Variants in PCDHA1 observed in about 807,000 individuals in gnomAD.
The protein encoded by PCDHA1 is protocadherin alpha 1.
In PCDHA1, 42 loss-of-function variants were observed where a neutral mutation model predicts 61.3. That is an observed-to-expected ratio of 0.69 (90% CI 0.54 to 0.89). PCDHA1 has a LOEUF of 0.89. Ranked by LOEUF, PCDHA1 falls within the 40% of genes least tolerant of loss-of-function variation. The pLI, the probability that PCDHA1 is intolerant of heterozygous loss-of-function variation, is 0.00. For synonymous variants in PCDHA1, 610 were observed against 553.8 expected, an observed-to-expected ratio of 1.10 and a Z score of -1.43; for missense variants, 1,256 against 1,235.3, an observed-to-expected ratio of 1.02 and a Z score of -0.25.
At chr5:140,987,050 C>G (rs781947211) in intron 3 of PCDHA1, among the ~76,000 whole-genome samples, 34 of 151,840 alleles carry the variant, frequency 2.2e-4, no homozygotes, top group Non-Finnish European at 2.5e-4. Context: ...CCCATCTCTA[C>G]TAAAGTTACA....
intron 1 of PCDHA1, among the ~76,000 whole-genome samples, chr5:140,838,075 ATAGTGTGTGTGT>A (rs1392208969): frequency 0.058 from 7,390 of 128,196 alleles, 326 homozygotes; most frequent in Middle Eastern, 0.092. Flanking sequence ...TTATATATAT[ATAGTGTGTGTGT>A]GTGTGTGTGT....
chr5:140,910,019 T>C (rs2074838579), intron 1 of PCDHA1, among the ~76,000 whole-genome samples: 1 of 152,222 alleles, frequency 6.6e-6, no homozygotes, highest in Non-Finnish European at 1.5e-5. Flanking sequence ...CATCCTTGTA[T>C]CCCTGGGATA....
intron 1 of PCDHA1, chr5:140,877,750 T>C (rs782654875): frequency 6.2e-7 from 1 of 1,614,146 alleles, no homozygotes; most frequent in Non-Finnish European, 8.5e-7. Flanking sequence ...GAGGGTGTGC[T>C]CTGCAGAGAG....
intron 1 of PCDHA1, among the ~76,000 whole-genome samples, chr5:140,874,298 G>T (rs887601408): frequency 1.3e-5 from 2 of 152,114 alleles, no homozygotes; most frequent in African/African-American, 2.4e-5. Context: ...ATGTGTACTT[G>T]TTCACAATGA....
At chr5:140,824,706 C>T (rs1214365803) in intron 1 of PCDHA1, 3 of 149,174 alleles carry the variant, frequency 2.0e-5, no homozygotes, top group Admixed American at 6.7e-5. Flanking sequence ...GCCATGCTCC[C>T]GTCTCAGCCT....
chr5:140,942,660 A>G (rs145204660), intron 1 of PCDHA1, among the ~76,000 whole-genome samples: 2 of 152,306 alleles, frequency 1.3e-5, no homozygotes, highest in East Asian at 1.9e-4. Context: ...CAGAAAAGCA[A>G]TAAGCACAAA....
chr5:140,882,577 C>T (rs370671644), intron 1 of PCDHA1: 45 of 1,614,120 alleles, frequency 2.8e-5, no homozygotes, highest in East Asian at 1.3e-4. Flanking sequence ...CGGAGTGCAG[C>T]ATCCACCTGG....
chr5:140,805,213 T>C, intron 1 of PCDHA1: 1 of 1,424,420 alleles, frequency 7.0e-7, no homozygotes, highest in Non-Finnish European at 9.2e-7. Context: ...AAATAAACAT[T>C]GTTTTCTATT....
intron 1 of PCDHA1, among the ~76,000 whole-genome samples, chr5:140,892,982 A>G (rs1430280813): frequency 2.0e-5 from 3 of 152,238 alleles, no homozygotes; most frequent in Non-Finnish European, 4.4e-5. Context: ...TAGCTGCCGT[A>G]TAAGTGAGAA....
chr5:140,835,835 G>T (rs2150246191), intron 1 of PCDHA1: 3 of 1,612,346 alleles, frequency 1.9e-6, no homozygotes, highest in African/African-American at 1.3e-5. Context: ...ACGCGGACGC[G>T]CAGAAGAACG....
chr5:140,950,435 A>T (rs2094483371), intron 1 of PCDHA1, among the ~76,000 whole-genome samples: 1 of 152,038 alleles, frequency 6.6e-6, no homozygotes, highest in Non-Finnish European at 1.5e-5. Flanking sequence ...CACTTAAAAA[A>T]AATGTTATTC....
chr5:140,798,009 C>T (rs1452528045), intron 1 of PCDHA1, among the ~76,000 whole-genome samples: 1 of 152,128 alleles, frequency 6.6e-6, no homozygotes, highest in East Asian at 1.9e-4. Flanking sequence ...CCCACCACCA[C>T]GCCCGGCTAT....
chr5:140,871,476 G>A (rs1437006996), intron 1 of PCDHA1: 1 of 1,598,568 alleles, frequency 6.3e-7, no homozygotes, highest in Admixed American at 1.7e-5. Flanking sequence ...AGGAGCCAGG[G>A]TCAAATCACC....
intron 1 of PCDHA1, among the ~76,000 whole-genome samples, chr5:140,933,146 C>G (rs1554209206): frequency 1.3e-5 from 2 of 151,920 alleles, no homozygotes. Context: ...GATAGCCACT[C>G]ATTTTGTTCC....
chr5:140,858,041 C>A (rs1446194845), intron 1 of PCDHA1: 1 of 1,596,846 alleles, frequency 6.3e-7, no homozygotes, highest in East Asian at 2.2e-5. Context: ...GGCCACTGTG[C>A]TTGTGTCGCT....
At chr5:140,842,679 C>A in intron 1 of PCDHA1, 1 of 1,595,330 alleles carries the variant, frequency 6.3e-7, no homozygotes, top group Non-Finnish European at 8.6e-7. Context: ...GACAATGCTC[C>A]GGCGTTCGCG....
chr5:140,984,365 C>G (rs2097099251), intron 3 of PCDHA1, among the ~76,000 whole-genome samples: 1 of 152,128 alleles, frequency 6.6e-6, no homozygotes. Flanking sequence ...TACATCTGGC[C>G]AAGTCCCTCT....
chr5:140,927,213 G>C (rs1384969721), intron 1 of PCDHA1: 11 of 1,614,000 alleles, frequency 6.8e-6, no homozygotes, highest in Non-Finnish European at 9.3e-6. Flanking sequence ...CGCTGGAGCT[G>C]CACAAGATTC....
At chr5:140,894,710 G>A (rs1032103787) in intron 1 of PCDHA1, among the ~76,000 whole-genome samples, 1 of 151,116 alleles carries the variant, frequency 6.6e-6, no homozygotes, top group Non-Finnish European at 1.5e-5. Context: ...TGTTTAAGTT[G>A]TTTTCAAATA....
Sources: gnomAD v4.1 joint callset for allele counts (sites outside exome capture counted in the v4.1 genomes callset) on GRCh38, gnomAD v4.1.1 for gene constraint, MANE v1.5 for transcripts, NCBI Gene and HGNC (gene_info 2026-07-23, HGNC 2026-07-21) for gene names.